The following EEFSEC variants were observed in gnomAD, a reference collection of about 807,000 sequenced individuals.
EEFSEC encodes the protein selenocysteine-specific elongation factor.
In EEFSEC, 43 loss-of-function variants were observed where a neutral mutation model predicts 42.1. That is an observed-to-expected ratio of 1.02 (90% confidence interval 0.80 to 1.32). The LOEUF is 1.32. EEFSEC is among the 40% of genes most tolerant of loss of function. EEFSEC has a pLI of 0.00. For synonymous variants in EEFSEC, 354 were observed against 339.1 expected, an observed-to-expected ratio of 1.04 and a Z score of -0.48; for missense variants, 745 against 803.6, an observed-to-expected ratio of 0.93 and a Z score of 0.88.
intron 1 of EEFSEC, among the ~76,000 whole-genome samples, chr3:128,239,942 C>T (rs2066052845): frequency 6.6e-6 from 1 of 152,236 alleles, no homozygotes; most frequent in African/African-American, 2.4e-5. Flanking sequence ...TGTTAAACTC[C>T]TAGCACCTCC....
chr3:128,256,253 A>T (rs1187486670), intron 2 of EEFSEC, among the ~76,000 whole-genome samples: 1 of 152,170 alleles, frequency 6.6e-6, no homozygotes, highest in African/African-American at 2.4e-5. Flanking sequence ...ATCTAGCTAG[A>T]ATTTAATAGC....
At chr3:128,163,012 A>G (rs911975928) in intron 1 of EEFSEC, among the ~76,000 whole-genome samples, 2 of 152,212 alleles carry the variant, frequency 1.3e-5, no homozygotes, top group African/African-American at 4.8e-5. Flanking sequence ...CAGGCATCCC[A>G]GGAAACAACC....
intron 4 of EEFSEC, among the ~76,000 whole-genome samples, chr3:128,279,239 C>T (rs898574026): frequency 4.6e-5 from 7 of 152,222 alleles, no homozygotes; most frequent in African/African-American, 1.7e-4. Context: ...GCAGCTCGGG[C>T]TGTGCGGCCA....
chr3:128,192,231 T>C lies in EEFSEC; in HGVS notation c.316+38408T>C, dbSNP rs192920795. On this transcript the variant is annotated intron_variant, in intron 1 of 6. Transcript: ENST00000254730. The stretch of plus-strand genomic sequence containing the variant: ...TTCACTCCGGGTCTCAACCTATCCA[T>C]CTGTAAAACAGGGCTGATGCCTCGT... Among the ~76,000 whole-genome samples, 111 of 152,286 alleles carry C rather than the reference T, an allele frequency of 7.3e-4. 1 individual carries two copies. Among genetic ancestry groups the C allele is most frequent in the Admixed American group, 3.1e-3 (48 of 15,292 alleles).
At chr3:128,209,151 G>C (rs2065730098) in intron 1 of EEFSEC, among the ~76,000 whole-genome samples, 1 of 152,238 alleles carries the variant, frequency 6.6e-6, no homozygotes, top group Non-Finnish European at 1.5e-5. Context: ...CATTAGTTGA[G>C]AGATGCTGGT....
chr3:128,186,882 G>A (rs941874083), intron 1 of EEFSEC, among the ~76,000 whole-genome samples: 3 of 152,102 alleles, frequency 2.0e-5, no homozygotes, highest in Admixed American at 6.5e-5. Context: ...CTGAGCCATG[G>A]GGAGGGCTGT....
chr3:128,294,265 C>T (rs934965342), intron 4 of EEFSEC, among the ~76,000 whole-genome samples: 2 of 152,174 alleles, frequency 1.3e-5, no homozygotes, highest in African/African-American at 4.8e-5. Context: ...ATCTGTCCTT[C>T]CTAGCCCTGA....
intron 1 of EEFSEC, among the ~76,000 whole-genome samples, chr3:128,165,388 A>G (rs984652246): frequency 6.6e-6 from 1 of 152,072 alleles, no homozygotes; most frequent in African/African-American, 2.4e-5. Flanking sequence ...TTCTGCTTCT[A>G]TTCTCCCCTC....
At chr3:128,356,104 G>A (rs1167804908) in intron 5 of EEFSEC, among the ~76,000 whole-genome samples, 2 of 152,244 alleles carry the variant, frequency 1.3e-5, no homozygotes, top group Non-Finnish European at 2.9e-5. Context: ...TGTAGTACAT[G>A]TGATTGTTCA....
At chr3:128,321,532 T>G (rs2067008267) in intron 4 of EEFSEC, among the ~76,000 whole-genome samples, 1 of 152,130 alleles carries the variant, frequency 6.6e-6, no homozygotes, top group African/African-American at 2.4e-5. Flanking sequence ...GGGTGCATCC[T>G]GCTAGCTAGG....
At chr3:128,289,606 A>C (rs1212242684) in intron 4 of EEFSEC, among the ~76,000 whole-genome samples, 1 of 152,234 alleles carries the variant, frequency 6.6e-6, no homozygotes, top group Non-Finnish European at 1.5e-5. Flanking sequence ...GAAATGTCCC[A>C]TTTTAAAATA....
intron 1 of EEFSEC, among the ~76,000 whole-genome samples, chr3:128,156,448 C>T (rs1022762031): frequency 1.3e-5 from 2 of 152,172 alleles, no homozygotes; most frequent in African/African-American, 4.8e-5. Flanking sequence ...TTCCAACATA[C>T]GTGCATACCT....
intron 4 of EEFSEC, among the ~76,000 whole-genome samples, chr3:128,275,584 A>T (rs2066459321): frequency 6.6e-6 from 1 of 152,152 alleles, no homozygotes. Context: ...TCATATGGGG[A>T]AGGCACTGAG....
chr3:128,235,683 A>G (rs938268201), intron 1 of EEFSEC, among the ~76,000 whole-genome samples: 10 of 152,210 alleles, frequency 6.6e-5, no homozygotes, highest in Non-Finnish European at 8.8e-5. Flanking sequence ...GTTTTTAAAT[A>G]GCTGGGTCAT....
intron 6 of EEFSEC, among the ~76,000 whole-genome samples, chr3:128,358,623 A>G (rs187355300): frequency 2.2e-4 from 34 of 152,198 alleles, no homozygotes; most frequent in Non-Finnish European, 4.0e-4. Flanking sequence ...TTCCCACTGC[A>G]CCATTTACCA....
intron 1 of EEFSEC, among the ~76,000 whole-genome samples, chr3:128,194,973 T>TA (rs2107808445): frequency 6.6e-6 from 1 of 152,338 alleles, no homozygotes; most frequent in East Asian, 1.9e-4. Flanking sequence ...GTTGAATAGT[T>TA]ACCCTCCTCC....
At chr3:128,315,942 G>C (rs1341004879) in intron 4 of EEFSEC, among the ~76,000 whole-genome samples, 9 of 152,078 alleles carry the variant, frequency 5.9e-5, no homozygotes, top group Admixed American at 5.9e-4. Context: ...TCATATCTTT[G>C]AAAGTTCTTA....
rs371192079 is a variant in EEFSEC at position 128,221,382 on chromosome 3, CAAG to C, written c.317-25450_317-25448del. Among the ~76,000 whole-genome samples, 68 of 152,296 alleles carry C rather than the reference CAAG, an allele frequency of 4.5e-4. 1 individual carries two copies. The South Asian group carries it at 0.014, about 31-fold the overall frequency. On this transcript the variant is annotated intron_variant, in intron 1 of 6. Transcript: ENST00000254730. ...TCACCTGGTAAATTAAGAAAAAAGA[CAAG>C]AAGTTGCCTGTAACTGGTGGAGATT...
intron 4 of EEFSEC, among the ~76,000 whole-genome samples, chr3:128,276,551 G>T (rs997587600): frequency 6.6e-6 from 1 of 152,172 alleles, no homozygotes; most frequent in Non-Finnish European, 1.5e-5. Flanking sequence ...TAGAGTTACT[G>T]TGGGAAGGAA....
Sources: gnomAD v4.1 joint callset for allele counts (sites outside exome capture counted in the v4.1 genomes callset) on GRCh38, gnomAD v4.1.1 for gene constraint, MANE v1.5 for transcripts, NCBI Gene and HGNC (gene_info 2026-07-23, HGNC 2026-07-21) for gene names.